The following ARPC1B variants were observed in gnomAD, a reference collection of about 807,000 sequenced individuals.
ARPC1B encodes actin related protein 2/3 complex subunit 1B, also known as actin-related protein 2/3 complex subunit 1B.
Under a neutral mutation model 46.0 loss-of-function variants are expected in ARPC1B, and 29 were observed. That is an observed-to-expected ratio of 0.63 (90% CI 0.47 to 0.86). The LOEUF is 0.86. Among genes scored for constraint, ARPC1B ranks in the 40% least tolerant of loss-of-function variants. The probability of loss-of-function intolerance (pLI) is 0.00; values close to 1 mark genes in which losing one functional copy is unlikely to be tolerated. For missense variants in ARPC1B, 469 were observed against 529.4 expected, an observed-to-expected ratio of 0.89 and a Z score of 1.12; for synonymous variants, 201 against 213.9, an observed-to-expected ratio of 0.94 and a Z score of 0.53.
intron 1 of ARPC1B, among the ~76,000 whole-genome samples, chr7:99,383,001 C>T (rs530796780): frequency 1.5e-3 from 227 of 151,862 alleles, no homozygotes; most frequent in Non-Finnish European, 2.4e-3. Context: ...TGCGCCACCA[C>T]GCCCAGCTAA....
intron 1 of ARPC1B, among the ~76,000 whole-genome samples, chr7:99,384,844 T>C (rs1158335379): frequency 6.7e-6 from 1 of 149,506 alleles, no homozygotes; most frequent in Non-Finnish European, 1.5e-5. Context: ...AGGTGGTTTA[T>C]GAGATTACTT....
intron 9 of ARPC1B, 138 bp from the exon 10 acceptor site, chr7:99,394,313 C>A: frequency 9.3e-7 from 1 of 1,080,212 alleles, no homozygotes; most frequent in Non-Finnish European, 1.4e-6. Context: ...GCCGGGATTC[C>A]AACCCAGCTG....
At chr7:99,381,632 TC>T (rs1388962628) in intron 1 of ARPC1B, among the ~76,000 whole-genome samples, 2 of 152,166 alleles carry the variant, frequency 1.3e-5, no homozygotes, top group Admixed American at 6.5e-5. Context: ...CCTGTGCTGC[TC>T]CAGGAATCTT....
chr7:99,375,126 C>G (rs1321230445), intron 1 of ARPC1B, among the ~76,000 whole-genome samples: 1 of 152,106 alleles, frequency 6.6e-6, no homozygotes, highest in Non-Finnish European at 1.5e-5. Flanking sequence ...CGGGGCGTCC[C>G]CAGCCCCCGG....
chr7:99,385,863 C>G (rs1794376747), intron 2 of ARPC1B, 85 bp downstream of exon 2: 1 of 1,390,916 alleles, frequency 7.2e-7, no homozygotes, highest in Admixed American at 2.0e-5. Context: ...GACTCTGGAG[C>G]AGCCAGGCCC....
rs760383089 is a variant in ARPC1B, at chr7:99,389,936, C to T, written c.424C>T (p.Arg142Cys). The T allele has an allele frequency of 1.4e-5, 23 of 1,614,050 alleles. No homozygotes were observed. In the Admixed American group the frequency reaches 3.0e-4, roughly 21 times the overall value. Residue 142 changes from arginine (R) to cysteine (C), a missense_variant, in exon 5 of 10, where the codon CGC (arginine) becomes TGC (cysteine). Transcript: ENST00000646101. ...WVCKHIKKPIRSTVLSLDWHP... is the reference protein window; with the variant it reads ...WVCKHIKKPICSTVLSLDWHP... ...TTGCAAGCACATCAAGAAGCCCATC[C>T]GCTCCACCGTCCTCAGCCTGGACTG... is the stretch of plus-strand genomic sequence containing the variant.
chr7:99,385,028 C>T (rs1445005246), intron 1 of ARPC1B, among the ~76,000 whole-genome samples: 1 of 128,190 alleles, frequency 7.8e-6, no homozygotes, highest in African/African-American at 3.1e-5. Flanking sequence ...TGCAGTGGTG[C>T]GATCTCGGCT....
intron 1 of ARPC1B, among the ~76,000 whole-genome samples, chr7:99,380,714 T>C (rs754029906): frequency 5.9e-5 from 9 of 152,220 alleles, no homozygotes; most frequent in Non-Finnish European, 8.8e-5. Context: ...GGCAGAGATG[T>C]GGCTGGGCAC....
chr7:99,387,475 C>T lies in ARPC1B; in HGVS notation c.170-564C>T, dbSNP rs570440600. Among the ~76,000 whole-genome samples the T allele has an allele frequency of 3.3e-5, 5 of 151,690 alleles. No individual in the cohort carries two copies. In the East Asian group the frequency reaches 9.8e-4, roughly 30 times the overall value. ...GAAAGAGGCCGGGTGCGGTGGCTTG[C>T]GCCTGTACTCCCAGCACTTTGGGAG... On this transcript the variant is annotated intron_variant, in intron 3 of 9. Coordinates refer to ENST00000646101, the MANE Select transcript of ARPC1B (RefSeq NM_005720.4).
At chr7:99,387,369 G>C (rs1023817812) in intron 3 of ARPC1B, among the ~76,000 whole-genome samples, 2 of 152,324 alleles carry the variant, frequency 1.3e-5, no homozygotes, top group Non-Finnish European at 2.9e-5. Context: ...AGGAGGCGGA[G>C]GTTGAAGTGA....
chr7:99,392,423 A>T (rs1354942741), intron 7 of ARPC1B, among the ~76,000 whole-genome samples: 2 of 152,200 alleles, frequency 1.3e-5, no homozygotes, highest in African/African-American at 4.8e-5. Flanking sequence ...AGCAGGTGTA[A>T]CTGGCTGGGC....
intron 2 of ARPC1B, 76 bp downstream of exon 2, chr7:99,385,854 ACT>A: frequency 6.9e-7 from 1 of 1,444,418 alleles, no homozygotes; most frequent in Non-Finnish European, 9.4e-7. Flanking sequence ...ACACATGGGG[ACT>A]CTGGAGCAGC....
intron 8 of ARPC1B, 99 bp downstream of exon 8, chr7:99,392,975 T>A (rs1794620594): frequency 3.9e-6 from 5 of 1,271,268 alleles, no homozygotes; most frequent in Admixed American, 5.4e-5. Flanking sequence ...CCTGGGGCAT[T>A]GTGCTGGGAC....
chr7:99,375,198 C>A (rs577099205), intron 1 of ARPC1B, among the ~76,000 whole-genome samples: 1 of 152,208 alleles, frequency 6.6e-6, no homozygotes, highest in African/African-American at 2.4e-5. Context: ...CAGCCTTGCC[C>A]CGCGGTCGGT....
intron 3 of ARPC1B, among the ~76,000 whole-genome samples, chr7:99,387,258 A>G (rs1489808102): frequency 1.3e-5 from 2 of 152,118 alleles, no homozygotes; most frequent in African/African-American, 4.8e-5. Context: ...CCTGGCCAAC[A>G]TGACTAAATG....
intron 1 of ARPC1B, among the ~76,000 whole-genome samples, chr7:99,380,522 T>C (rs1794182037): frequency 6.6e-6 from 1 of 152,208 alleles, no homozygotes. Flanking sequence ...ACCTCCCTCC[T>C]CTGCCAGTCA....
At chr7:99,394,385 G>A in intron 9 of ARPC1B, 66 bp from the exon 10 acceptor site, 2 of 1,388,436 alleles carry the variant, frequency 1.4e-6, no homozygotes, top group Non-Finnish European at 2.0e-6. Flanking sequence ...TGGGTGATCA[G>A]GTCCCTGGGA....
rs557812870 is a variant in ARPC1B at position 99,378,226 on chromosome 7, A to ATT, written c.-14+3460_-14+3461dup. 3.7e-4 allele frequency among the ~76,000 whole-genome samples: 51 copies of ATT among 138,562 alleles called. 1 individual carries two copies. Among genetic ancestry groups the ATT allele is most frequent in the Admixed American group, 1.1e-3 (15 of 13,816 alleles). The allele number at this position is 138,562 out of a possible 152,430, so 90.9% of individuals were successfully genotyped here. On this transcript the variant is annotated intron_variant, in intron 1 of 9. Transcript: ENST00000646101. ...AGGCGTACAGCATCACATCCCGCTA[A>ATT]TTTTTTTTTTTTTTTTGGTAGTTTT...
intron 2 of ARPC1B, among the ~76,000 whole-genome samples, chr7:99,386,083 T>C (rs1053368274): frequency 6.6e-6 from 1 of 151,926 alleles, no homozygotes; most frequent in Non-Finnish European, 1.5e-5. Flanking sequence ...AAACCCTGTC[T>C]CTACTAAAAA....
Sources: allele counts gnomAD v4.1 joint callset (sites outside exome capture counted in the v4.1 genomes callset), GRCh38; gene constraint gnomAD v4.1.1; transcripts MANE v1.5; gene names NCBI Gene and HGNC (gene_info 2026-07-23, HGNC 2026-07-21).